Variants in UBE2R2 observed in about 807,000 individuals in gnomAD.
UBE2R2 encodes the protein ubiquitin conjugating enzyme E2 R2, also known as ubiquitin-conjugating enzyme E2 R2.
Under a neutral mutation model 27.8 loss-of-function variants are expected in UBE2R2, and 1 was observed. The ratio of observed to expected loss-of-function variants is 0.04; its 90% confidence interval spans 0.01 to 0.17. The LOEUF (loss-of-function observed/expected upper bound fraction) is 0.17. Among genes scored for constraint, UBE2R2 ranks in the 10% least tolerant of loss-of-function variants. The pLI, the probability that UBE2R2 is intolerant of heterozygous loss-of-function variation, is 1.00. For missense variants in UBE2R2, 100 were observed against 291.0 expected (o/e 0.34, Z 4.78); for synonymous variants, 106 against 113.3 (o/e 0.94, Z 0.41).
At chr9:33,909,127 TATC>T (rs150348242) in intron 3 of UBE2R2, among the ~76,000 whole-genome samples, 4,695 of 152,100 alleles carry the variant, frequency 0.031, 193 homozygotes, top group African/African-American at 0.096. Context: ...GGTTATACAT[TATC>T]ATCATCATCA....
intron 1 of UBE2R2, among the ~76,000 whole-genome samples, chr9:33,830,107 A>G (rs1820425875): frequency 6.7e-6 from 1 of 148,664 alleles, no homozygotes; most frequent in Non-Finnish European, 1.5e-5. Context: ...TAATCAGTGC[A>G]GTAGTTTTAA....
intron 1 of UBE2R2, among the ~76,000 whole-genome samples, chr9:33,877,474 G>C (rs1821631177): frequency 1.3e-5 from 2 of 151,846 alleles, no homozygotes; most frequent in Non-Finnish European, 2.9e-5. Flanking sequence ...GATGAAGGTA[G>C]TATTTTTAAA....
chr9:33,908,201 C>T (rs2130817500), intron 3 of UBE2R2, among the ~76,000 whole-genome samples: 1 of 152,302 alleles, frequency 6.6e-6, no homozygotes, highest in South Asian at 2.1e-4. Flanking sequence ...TTTTCCAGTT[C>T]ACATCCATCC....
At chr9:33,915,429 T>C (rs536732092) in intron 4 of UBE2R2, among the ~76,000 whole-genome samples, 2 of 150,576 alleles carry the variant, frequency 1.3e-5, no homozygotes, top group African/African-American at 4.9e-5. Flanking sequence ...ATAAAGGGAG[T>C]GGTGGTTAAA....
At position 33,917,268 on chromosome 9, in the gene UBE2R2, G is replaced by T. The variant is rs1822671589; in HGVS notation, c.*31G>T. The T allele has an allele frequency of 6.2e-7, 1 of 1,609,752 alleles. No individual in the cohort carries two copies. The highest frequency in any genetic ancestry group is 8.5e-7 in the Non-Finnish European group (1 of 1,178,144). On this transcript the variant is annotated 3_prime_UTR_variant, in exon 5 of 5. Transcript: ENST00000263228. ...TCCTTCAGTGCCCCTGTACTGCCCT[G>T]CCATCTCAGGCCAAAGGGAGGGGAG...
chr9:33,818,178 CCT>C (rs577173300), intron 1 of UBE2R2, among the ~76,000 whole-genome samples: 311 of 152,118 alleles, frequency 2.0e-3, no homozygotes, highest in African/African-American at 7.3e-3. Context: ...AATCGGAGAG[CCT>C]CTCTGGTTAG....
At chr9:33,882,540 C>G (rs936880577) in intron 1 of UBE2R2, among the ~76,000 whole-genome samples, 8 of 152,142 alleles carry the variant, frequency 5.3e-5, no homozygotes, top group African/African-American at 1.9e-4. Flanking sequence ...GCCTAGGGCT[C>G]CAAAAGTGCT....
rs558199655 is a variant in UBE2R2, at chr9:33,901,007, G to A, written c.362+736G>A. 1.1e-3 allele frequency among the ~76,000 whole-genome samples: 168 copies of A among 152,296 alleles called. 1 individual carries two copies. Among genetic ancestry groups the A allele is most frequent in the African/African-American group, 3.8e-3 (160 of 41,564 alleles). ...GTGTCTTCCCGTCACCCAGACTGGT[G>A]TGCAGCGGTGTGATCACAGGTCACT... On this transcript the variant is annotated intron_variant, in intron 3 of 4. Transcript: ENST00000263228.
At chr9:33,868,562 G>GC (rs1293480001) in intron 1 of UBE2R2, 9 of 152,170 alleles carry the variant, frequency 5.9e-5, no homozygotes, top group African/African-American at 2.2e-4. Flanking sequence ...TTGGGGTTGC[G>GC]CTGCTGTCCA....
chr9:33,901,696 T>C (rs970054624), intron 3 of UBE2R2, among the ~76,000 whole-genome samples: 3 of 152,222 alleles, frequency 2.0e-5, no homozygotes, highest in African/African-American at 7.2e-5. Flanking sequence ...GTCAAATGAC[T>C]GTTGATTATG....
At chr9:33,826,655 C>T (rs528577493) in intron 1 of UBE2R2, among the ~76,000 whole-genome samples, 1 of 152,144 alleles carries the variant, frequency 6.6e-6, no homozygotes, top group Non-Finnish European at 1.5e-5. Flanking sequence ...GCTGAGATCA[C>T]GCCATTGCAC....
chr9:33,833,836 C>T (rs1051414949), intron 1 of UBE2R2, among the ~76,000 whole-genome samples: 11 of 152,148 alleles, frequency 7.2e-5, no homozygotes, highest in Admixed American at 7.2e-4. Context: ...CTCAATTCTC[C>T]TTTCTGTCTT....
chr9:33,877,675 G>T lies in UBE2R2; in HGVS notation c.178-9206G>T, dbSNP rs180798027. Among the ~76,000 whole-genome samples, 49 of 152,192 alleles carry T rather than the reference G, an allele frequency of 3.2e-4. No homozygotes were observed. In the East Asian group the frequency reaches 6.7e-3, roughly 21 times the overall value. Reference sequence around the variant, plus strand: ...CATAATCATCAAGGTCTTAAGGTTGGTATTAATCTTTCCAGTTGTCTTATC... The same window carrying T: ...CATAATCATCAAGGTCTTAAGGTTGTTATTAATCTTTCCAGTTGTCTTATC... On this transcript the variant is annotated intron_variant, in intron 1 of 4. Transcript: ENST00000263228.
At chr9:33,888,673 C>A (rs1821917152) in intron 2 of UBE2R2, among the ~76,000 whole-genome samples, 1 of 152,138 alleles carries the variant, frequency 6.6e-6, no homozygotes, top group African/African-American at 2.4e-5. Context: ...TGCACGACCA[C>A]ACCTGGCTAA....
chr9:33,861,631 A>G (rs1317257129), intron 1 of UBE2R2, among the ~76,000 whole-genome samples: 1 of 151,754 alleles, frequency 6.6e-6, no homozygotes, highest in Non-Finnish European at 1.5e-5. Context: ...CATTAATTAG[A>G]TAATGGGAAA....
intron 1 of UBE2R2, among the ~76,000 whole-genome samples, chr9:33,857,645 G>A (rs1821139254): frequency 2.0e-5 from 3 of 152,282 alleles, no homozygotes; most frequent in Admixed American, 2.0e-4. Flanking sequence ...ATTAGAAAGT[G>A]TTACTATGAT....
chr9:33,841,540 C>T (rs936883333), intron 1 of UBE2R2, among the ~76,000 whole-genome samples: 5 of 152,114 alleles, frequency 3.3e-5, no homozygotes, highest in African/African-American at 1.2e-4. Context: ...ATTTCTTCAA[C>T]AAGCCCTGGT....
chr9:33,838,028 T>C (rs1820651612), intron 1 of UBE2R2, among the ~76,000 whole-genome samples: 1 of 152,178 alleles, frequency 6.6e-6, no homozygotes, highest in Non-Finnish European at 1.5e-5. Flanking sequence ...ACAGTTGTCC[T>C]TCAGTATCCA....
intron 1 of UBE2R2, among the ~76,000 whole-genome samples, chr9:33,843,034 AC>A (rs1440006810): frequency 5.3e-4 from 76 of 142,186 alleles, no homozygotes; most frequent in African/African-American, 1.9e-3. Flanking sequence ...AAAAAAAAAA[AC>A]AGACCACTTT....
Sources: gnomAD v4.1 joint callset for allele counts (sites outside exome capture counted in the v4.1 genomes callset) on GRCh38, gnomAD v4.1.1 for gene constraint, MANE v1.5 for transcripts, NCBI Gene and HGNC (gene_info 2026-07-23, HGNC 2026-07-21) for gene names.